Variants in PDE2A observed in about 807,000 individuals in gnomAD.
PDE2A encodes the protein cGMP-dependent 3',5'-cyclic phosphodiesterase.
Under a neutral mutation model 133.6 loss-of-function variants are expected in PDE2A, and 53 were observed. The ratio of observed to expected loss-of-function variants is 0.40; its 90% CI spans 0.32 to 0.50. The LOEUF (loss-of-function observed/expected upper bound fraction) is 0.50, where lower values mean the gene tolerates loss of function less well. Ranked by LOEUF, PDE2A falls within the 20% of genes least tolerant of loss-of-function variation. The pLI is 0.73. For synonymous variants in PDE2A, 491 were observed against 490.2 expected (o/e 1.00, Z -0.02); for missense variants, 796 against 1,232.4 (o/e 0.65, Z 5.30).
At chr11:72,626,846 G>C (rs1280034917) in intron 2 of PDE2A, among the ~76,000 whole-genome samples, 1 of 152,212 alleles carries the variant, frequency 6.6e-6, no homozygotes, top group African/African-American at 2.4e-5. Flanking sequence ...AGAGTGTTTT[G>C]GAGCCGGGTT....
At chr11:72,660,759 G>A (rs1474599192) in intron 1 of PDE2A, among the ~76,000 whole-genome samples, 1 of 152,080 alleles carries the variant, frequency 6.6e-6, no homozygotes, top group Admixed American at 6.5e-5. Flanking sequence ...GCCAGGCATG[G>A]ATGATGTGCC....
chr11:72,656,951 A>C (rs1391323435), intron 1 of PDE2A, among the ~76,000 whole-genome samples: 2 of 149,834 alleles, frequency 1.3e-5, no homozygotes, highest in African/African-American at 4.9e-5. Context: ...CACTGCATCC[A>C]CTCTCTCCCA....
chr11:72,611,236 C>T (rs1397041134), intron 2 of PDE2A, among the ~76,000 whole-genome samples: 1 of 152,102 alleles, frequency 6.6e-6, no homozygotes, highest in Non-Finnish European at 1.5e-5. Context: ...GCTAAGTCTC[C>T]CCATTTGACC....
chr11:72,667,617 T>C (rs895202386), intron 1 of PDE2A, among the ~76,000 whole-genome samples: 3 of 152,162 alleles, frequency 2.0e-5, no homozygotes, highest in Non-Finnish European at 4.4e-5. Context: ...ATGGACTGTA[T>C]GTGACAGCAC....
chr11:72,578,153 C>T lies in PDE2A; in HGVS notation c.2615+80G>A, dbSNP rs545037831. 3.3e-6 allele frequency: 3 copies of T among 904,534 alleles called. No homozygotes were observed. Among genetic ancestry groups the T allele is most frequent in the Non-Finnish European group, 5.5e-6 (3 of 543,600 alleles). The allele number at this position is 904,534 out of a possible 1,614,324, so 56.0% of individuals were successfully genotyped here. ...TGGACCTGGGCCAGGCCAATCTCAG[C>T]ACCTGTGTTTCCTGTGATGTCCCCA... is the stretch of plus-strand genomic sequence containing the variant. On this transcript the variant is annotated intron_variant, in intron 30 of 30. Coordinates refer to ENST00000334456, the MANE Select transcript of PDE2A (RefSeq NM_002599.5). This position sits in a 1 kb window ranked among gnomAD's most constrained non-coding sequence, Gnocchi z 4.2.
Position 72,578,919 on chromosome 11 carries a change from C to T in PDE2A, c.2447G>A (p.Trp816Ter). The change falls in exon 28 of 31, where the codon TGG becomes TAG. Residue 816 changes from tryptophan to a stop codon, truncating the protein, a stop_gained. Transcript: ENST00000334456. LOFTEE classifies it high-confidence loss of function. The surrounding 1 kb of genome is among the most constrained non-coding windows in gnomAD (Gnocchi z 4.2). ...SCDLSDQTKG[W>*]KTTRKIAELI... is the part of the protein sequence containing the mutation. The stretch of plus-strand genomic sequence containing the variant: ...TACCGCGATCTTTCTCGTAGTCTTC[C>T]AGCCCTTGGTCTGGTCAGAGAGGTC... The T allele has an allele frequency of 6.2e-7, 1 of 1,612,422 alleles. No homozygotes were observed. The highest frequency in any genetic ancestry group is 8.5e-7 in the Non-Finnish European group (1 of 1,178,436).
At chr11:72,636,975 C>A (rs890504413) in intron 2 of PDE2A, among the ~76,000 whole-genome samples, 2 of 152,208 alleles carry the variant, frequency 1.3e-5, no homozygotes, top group Non-Finnish European at 2.9e-5. Flanking sequence ...CAGTCCCCAT[C>A]CCCCCGGACC....
At chr11:72,589,816 T>C in intron 10 of PDE2A, 24 bp from the exon 11 acceptor site, 1 of 1,613,038 alleles carries the variant, frequency 6.2e-7, no homozygotes, top group Non-Finnish European at 8.5e-7. Context: ...TGCAGGGGGC[T>C]GGTTAAAGGA....
chr11:72,645,031 A>G (rs902621616), intron 1 of PDE2A, among the ~76,000 whole-genome samples: 94 of 152,322 alleles, frequency 6.2e-4, no homozygotes, highest in African/African-American at 2.2e-3. Flanking sequence ...TTGGGATTAC[A>G]GGTGTGAGCC....
At chr11:72,641,909 T>G (rs1858968460) in intron 2 of PDE2A, among the ~76,000 whole-genome samples, 2 of 152,068 alleles carry the variant, frequency 1.3e-5, no homozygotes, top group Non-Finnish European at 2.9e-5. Context: ...CCCACATATA[T>G]GGTGAAGGTT....
chr11:72,629,664 C>G (rs921447162), intron 2 of PDE2A, among the ~76,000 whole-genome samples: 1 of 152,350 alleles, frequency 6.6e-6, no homozygotes, highest in Middle Eastern at 3.4e-3. Context: ...CTGTGCTGAG[C>G]CCCTCCTGTG....
At chr11:72,667,116 TA>T (rs1226166529) in intron 1 of PDE2A, among the ~76,000 whole-genome samples, 1 of 151,608 alleles carries the variant, frequency 6.6e-6, no homozygotes, top group Non-Finnish European at 1.5e-5. Context: ...AAAACTAAAC[TA>T]AAAAAAAGGA....
intron 1 of PDE2A, among the ~76,000 whole-genome samples, chr11:72,664,498 C>G (rs1044660056): frequency 6.7e-6 from 1 of 149,742 alleles, no homozygotes; most frequent in African/African-American, 2.5e-5. Context: ...CTCAGCCTCC[C>G]GAGTAGCTGG....
At chr11:72,636,055 G>T (rs956268131) in intron 2 of PDE2A, 2 of 1,274,258 alleles carry the variant, frequency 1.6e-6, no homozygotes, top group Non-Finnish European at 2.0e-6. Flanking sequence ...TGGATGGGAG[G>T]CATGCAAGGC....
intron 2 of PDE2A, among the ~76,000 whole-genome samples, chr11:72,609,067 C>A (rs1857093185): frequency 6.6e-6 from 1 of 152,182 alleles, no homozygotes. Flanking sequence ...ACAATTCTGG[C>A]ACAGTAGGGA....
chr11:72,674,191 C>T lies in PDE2A; in HGVS notation c.17G>A (p.Gly6Asp). The change falls in exon 1 of 31, where the codon GGC (glycine) becomes GAC (aspartate). Residue 6 changes from glycine to aspartate, a missense_variant. Around this residue, in one of 7 missense-constraint regions of PDE2A, gnomAD observed 417 missense variants for 475.3 expected, o/e 0.88. Coordinates refer to ENST00000334456, the MANE Select transcript of PDE2A (RefSeq NM_002599.5). Reference sequence around the variant, plus strand: ...CTGGCTCCTGCAGAGGATGGAGTGGCCGCATGCCTGCCCCATCACTCCTCA... The same window carrying T: ...CTGGCTCCTGCAGAGGATGGAGTGGTCGCATGCCTGCCCCATCACTCCTCA... MGQAC[G>D]HSILCRSQQY... 1 of 1,611,420 alleles carries T rather than the reference C, an allele frequency of 6.2e-7. No homozygotes were observed. Among genetic ancestry groups the T allele is most frequent in the Non-Finnish European group, 8.5e-7 (1 of 1,179,762 alleles).
Position 72,580,957 on chromosome 11 carries a change from C to T in PDE2A, c.2062G>A (p.Ala688Thr). ...TNYLEDIEIFALFISCMCHDL... is the reference protein window; with the variant it reads ...TNYLEDIEIFTLFISCMCHDL... ...TGACACATGCAGGAAATAAACAAGG[C>T]AAAGATCTCGATGTCCCTGGTTGAG... Residue 688 changes from alanine (A) to threonine (T), a missense_variant, in exon 24 of 31, where the codon GCC becomes ACC. By Grantham distance (58) the Ala-to-Thr change is moderately conservative (BLOSUM62 0). Around this residue, in one of 7 missense-constraint regions of PDE2A, gnomAD observed 218 missense variants for 465.9 expected, o/e 0.47. Transcript: ENST00000334456. 2 of 1,612,362 alleles carry T rather than the reference C, an allele frequency of 1.2e-6. No homozygotes were observed. Among genetic ancestry groups the T allele is most frequent in the Non-Finnish European group, 8.5e-7 (1 of 1,178,602 alleles).
Position 72,590,362 on chromosome 11 carries a change from C to A in PDE2A, c.703+65G>T. ...CGCCGGCTCCCGGGATCGCCTAACCCGCCCACCTCCCCTCCAAGTTCTGCC... is the reference window on the plus strand; with the variant it reads ...CGCCGGCTCCCGGGATCGCCTAACCAGCCCACCTCCCCTCCAAGTTCTGCC... On this transcript the variant is annotated intron_variant, in intron 8 of 30. Coordinates refer to ENST00000334456, the MANE Select transcript of PDE2A (RefSeq NM_002599.5). The surrounding 1 kb of genome is among the most constrained non-coding windows in gnomAD (Gnocchi z 4.8). The A allele has an allele frequency of 1.3e-6, 2 of 1,545,284 alleles. No homozygotes were observed. The highest frequency in any genetic ancestry group is 2.4e-5 in the East Asian group (1 of 41,360).
rs772840223 is a variant in PDE2A, at chr11:72,581,869, G to A, written c.1922+8C>T. The A allele has an allele frequency of 1.7e-5, 28 of 1,613,090 alleles. 1 individual carries two copies. The highest frequency in any genetic ancestry group is 3.3e-4 in the Middle Eastern group (2 of 6,020). ...GCGAAGACTGGGGCTGTCTGTGGGC[G>A]CACGAACCGGGCCAGGGTCGGGCAG... On this transcript the variant is annotated splice_region_variant and intron_variant, in intron 22 of 30. Transcript: ENST00000334456.
Sources: gnomAD v4.1 joint callset for allele counts (sites outside exome capture counted in the v4.1 genomes callset) on GRCh38, gnomAD v4.1.1 for gene constraint, gnomAD v4.1.1 regional missense constraint, Gnocchi (gnomAD v3.1) non-coding constraint, MANE v1.5 for transcripts, NCBI Gene and HGNC (gene_info 2026-07-23, HGNC 2026-07-21) for gene names.